WDR27: variants seen among roughly 807,000 people sequenced by gnomAD.
The protein encoded by WDR27 is WD repeat-containing protein 27.
Under a neutral mutation model 114.4 loss-of-function variants are expected in WDR27, and 100 were observed. The observed-to-expected ratio is 0.87, with a 90% CI of 0.74 to 1.03. The LOEUF (loss-of-function observed/expected upper bound fraction) is 1.03, where lower values mean the gene tolerates loss of function less well. Ranked by LOEUF, WDR27 falls within the 50% of genes least tolerant of loss-of-function variation. The probability of loss-of-function intolerance (pLI) is 0.00; values close to 1 mark genes in which losing one functional copy is unlikely to be tolerated. For missense variants in WDR27, 1,129 were observed against 1,092.9 expected (o/e 1.03, Z -0.47); for synonymous variants, 449 against 423.1 (o/e 1.06, Z -0.75).
At chr6:169,430,478 T>C in the WDR27 span, among the ~76,000 whole-genome samples, 1 of 152,320 alleles carries the variant, frequency 6.6e-6, no homozygotes, top group East Asian at 1.9e-4. Context: ...GTGGCTTCTG[T>C]GGCTGTTTTG....
At chr6:169,647,248 G>A (rs1382876666) in intron 16 of WDR27, among the ~76,000 whole-genome samples, 2 of 152,222 alleles carry the variant, frequency 1.3e-5, no homozygotes, top group East Asian at 3.9e-4. Flanking sequence ...AGAATCGGGC[G>A]ACTGTCACGG....
chr6:169,496,303 A>G (rs987029468), intron 25 of WDR27, among the ~76,000 whole-genome samples: 4 of 152,098 alleles, frequency 2.6e-5, no homozygotes, highest in African/African-American at 9.7e-5. Flanking sequence ...CTACCTCAAC[A>G]CAAGAAAAGC....
chr6:169,616,058 TAAAG>T (rs1214942116), intron 21 of WDR27, among the ~76,000 whole-genome samples: 1 of 149,312 alleles, frequency 6.7e-6, no homozygotes, highest in Non-Finnish European at 1.5e-5. Context: ...AGATATAAGG[TAAAG>T]AAAGCCTCAT....
chr6:169,636,182 C>T (rs537457010), intron 19 of WDR27, among the ~76,000 whole-genome samples, 189 bp downstream of exon 19: 23 of 152,252 alleles, frequency 1.5e-4, no homozygotes, highest in East Asian at 1.2e-3. Flanking sequence ...AAAGGCCCCG[C>T]GCATAGTAAT....
Position 169,688,837 on chromosome 6 carries a change from T to C in WDR27, c.169A>G (p.Thr57Ala), listed in dbSNP as rs768274236. 2 of 1,609,360 alleles carry C rather than the reference T, an allele frequency of 1.2e-6. No homozygotes were observed. Among genetic ancestry groups the C allele is most frequent in the East Asian group, 2.2e-5 (1 of 44,728 alleles). ...AATACCTGATGAGAAGGATCCTTAG[T>C]GTTCCATATACAAAGTTCAGTTCCA... is the stretch of plus-strand genomic sequence containing the variant. ...LDGTELCIWN[T>A]KDPSHQLLIL... The change falls in exon 2 of 26, where the codon ACT (threonine) becomes GCT (alanine). Residue 57 changes from threonine to alanine, a missense_variant. Coordinates refer to ENST00000448612, the MANE Select transcript of WDR27 (RefSeq NM_182552.5).
chr6:169,520,334 CA>C (rs1794217152), intron 25 of WDR27, among the ~76,000 whole-genome samples: 1 of 151,484 alleles, frequency 6.6e-6, no homozygotes, highest in South Asian at 2.1e-4. Context: ...CATCTAGTGC[CA>C]AAAAGGAGGC....
At chr6:169,537,740 G>T (rs1184918836) in intron 25 of WDR27, among the ~76,000 whole-genome samples, 1 of 152,152 alleles carries the variant, frequency 6.6e-6, no homozygotes, top group East Asian at 1.9e-4. Flanking sequence ...CTGGCTGTGG[G>T]TGTAGAAGAG....
intron 25 of WDR27, among the ~76,000 whole-genome samples, chr6:169,492,580 T>C (rs1421066427): frequency 6.6e-6 from 1 of 152,070 alleles, no homozygotes; most frequent in Non-Finnish European, 1.5e-5. Context: ...TAAATTATCA[T>C]TTAGGTGTGA....
At chr6:169,599,381 A>C (rs1807475199) in intron 23 of WDR27, among the ~76,000 whole-genome samples, 1 of 152,112 alleles carries the variant, frequency 6.6e-6, no homozygotes, top group Admixed American at 6.6e-5. Context: ...GTTATGGTTT[A>C]TTTATTTATG....
chr6:169,660,939 G>A (rs868502178), intron 9 of WDR27, among the ~76,000 whole-genome samples, 173 bp from the exon 10 acceptor site: 1 of 144,338 alleles, frequency 6.9e-6, no homozygotes, highest in African/African-American at 2.6e-5. Context: ...AGTGGGGAGC[G>A]TGGGCGTTGG....
chr6:169,609,555 G>A (rs141152639), intron 22 of WDR27, among the ~76,000 whole-genome samples: 1,602 of 152,272 alleles, frequency 0.011, 23 homozygotes, highest in African/African-American at 0.036. Flanking sequence ...TGGCTGGAGC[G>A]GCTGGGACAC....
chr6:169,685,106 T>C (rs1477798954), intron 2 of WDR27, among the ~76,000 whole-genome samples: 1 of 152,012 alleles, frequency 6.6e-6, no homozygotes, highest in Non-Finnish European at 1.5e-5. Context: ...CGCTACTACA[T>C]CCACCTAGAA....
chr6:169,586,647 G>A (rs1804628378), intron 23 of WDR27, among the ~76,000 whole-genome samples: 1 of 151,866 alleles, frequency 6.6e-6, no homozygotes, highest in Non-Finnish European at 1.5e-5. Context: ...TCATGAGATC[G>A]AGGCCATCCT....
At chr6:169,571,074 C>T (rs988316632) in intron 25 of WDR27, among the ~76,000 whole-genome samples, 5 of 152,170 alleles carry the variant, frequency 3.3e-5, no homozygotes, top group African/African-American at 4.8e-5. Flanking sequence ...TATAAATTAG[C>T]GGATACAGTG....
intron 16 of WDR27, 130 bp from the exon 17 acceptor site, chr6:169,643,916 A>T: frequency 1.5e-6 from 1 of 674,718 alleles, no homozygotes; most frequent in Non-Finnish European, 2.4e-6. Flanking sequence ...ACTGTAGAAA[A>T]GCCTAGTTCA....
intron 25 of WDR27, among the ~76,000 whole-genome samples, chr6:169,465,606 C>A (rs1195267055): frequency 6.6e-6 from 1 of 152,138 alleles, no homozygotes. Context: ...ATGTTTATAG[C>A]AGCATTCTTA....
rs1053339398 is a variant in WDR27, at chr6:169,540,083, A to G, written c.2645+32336T>C. On this transcript the variant is annotated intron_variant, in intron 25 of 25. Coordinates refer to ENST00000448612, the MANE Select transcript of WDR27 (RefSeq NM_182552.5). ...TCCTTTCCTATGGATGGTATAAAGAAATTCAAAATCATTAATCATAATTTT... is the reference window on the plus strand; with the variant it reads ...TCCTTTCCTATGGATGGTATAAAGAGATTCAAAATCATTAATCATAATTTT... Among the ~76,000 whole-genome samples the G allele has an allele frequency of 2.0e-5, 3 of 152,228 alleles. No individual in the cohort carries two copies. The East Asian group carries it at 5.8e-4, about 29-fold the overall frequency.
intron 14 of WDR27, among the ~76,000 whole-genome samples, chr6:169,651,691 C>T (rs955058461): frequency 2.0e-5 from 3 of 152,172 alleles, no homozygotes; most frequent in African/African-American, 7.2e-5. Flanking sequence ...CAGAAAAGGA[C>T]TCGGAGGACT....
At position 169,659,614 on chromosome 6, in the gene WDR27, G is replaced by GCCCACCACACACAGTCCAGGC; in HGVS notation, c.1130-117_1130-97dup. On this transcript the variant is annotated intron_variant, in intron 10 of 25. Coordinates refer to ENST00000448612, the MANE Select transcript of WDR27 (RefSeq NM_182552.5). This position sits in a 1 kb window ranked among gnomAD's most constrained non-coding sequence, Gnocchi z 4.3. Reference sequence around the variant, plus strand: ...CAGAGCCCACCACACACAGCCCAGAGCCCACCACACACAGTCCAGGCCCCA... The same window carrying GCCCACCACACACAGTCCAGGC: ...CAGAGCCCACCACACACAGCCCAGAGCCCACCACACACAGTCCAGGCCCCACCACACACAGTCCAGGCCCCA... 1 of 1,174,468 alleles carries GCCCACCACACACAGTCCAGGC rather than the reference G, an allele frequency of 8.5e-7. No individual in the cohort carries two copies. The highest frequency in any genetic ancestry group is 2.6e-5 in the East Asian group (1 of 38,950). 72.8% of individuals were successfully genotyped at this position (1,174,468 alleles called of 1,614,324 possible). A position where few individuals can be genotyped will look rare whatever the true frequency, so the allele number is the denominator to read the frequency against.
Sources: gnomAD v4.1 joint callset for allele counts (sites outside exome capture counted in the v4.1 genomes callset) on GRCh38, gnomAD v4.1.1 for gene constraint, Gnocchi (gnomAD v3.1) non-coding constraint, MANE v1.5 for transcripts, NCBI Gene and HGNC (gene_info 2026-07-23, HGNC 2026-07-21) for gene names.